ROCK2: variants seen among roughly 807,000 people sequenced by gnomAD.
The protein encoded by ROCK2 is Rho associated coiled-coil containing protein kinase 2.
In ROCK2, 61 loss-of-function variants were observed where a neutral mutation model predicts 195.1. That is an observed-to-expected ratio of 0.31 (90% CI 0.25 to 0.39). The LOEUF (loss-of-function observed/expected upper bound fraction) is 0.39, where lower values mean the gene tolerates loss of function less well. Ranked by LOEUF, ROCK2 falls within the 10% of genes least tolerant of loss-of-function variation. The pLI, the probability that ROCK2 is intolerant of heterozygous loss-of-function variation, is 1.00. For synonymous variants in ROCK2, 504 were observed against 545.5 expected, an observed-to-expected ratio of 0.92 and a Z score of 1.06; for missense variants, 1,109 against 1,637.4, an observed-to-expected ratio of 0.68 and a Z score of 5.57.
intron 2 of ROCK2, among the ~76,000 whole-genome samples, chr2:11,287,329 T>C (rs1667230864): frequency 6.6e-6 from 1 of 152,196 alleles, no homozygotes; most frequent in Admixed American, 6.5e-5. Context: ...AGCTTATTAA[T>C]TCTCTGGGCA....
chr2:11,242,164 T>C (rs934057923), intron 4 of ROCK2, among the ~76,000 whole-genome samples: 1 of 152,108 alleles, frequency 6.6e-6, no homozygotes, highest in African/African-American at 2.4e-5. Context: ...AGTATTTTGT[T>C]ATAGGAGCCC....
At chr2:11,340,780 C>T (rs940313972) in intron 1 of ROCK2, among the ~76,000 whole-genome samples, 1 of 152,038 alleles carries the variant, frequency 6.6e-6, no homozygotes, top group African/African-American at 2.4e-5. Flanking sequence ...ATGTTTTATG[C>T]CACTGAAAAT....
At chr2:11,262,106 G>C (rs1009779221) in intron 3 of ROCK2, among the ~76,000 whole-genome samples, 2 of 152,096 alleles carry the variant, frequency 1.3e-5, no homozygotes, top group Non-Finnish European at 2.9e-5. Flanking sequence ...CCCGTCACTA[G>C]TCTATGAGTA....
intron 17 of ROCK2, 60 bp from the exon 18 acceptor site, chr2:11,211,900 GCTTT>G (rs1259827797): frequency 2.2e-6 from 3 of 1,337,552 alleles, no homozygotes; most frequent in Non-Finnish European, 3.0e-6. Context: ...AATTTCAAAA[GCTTT>G]CTAATTTTTT....
intron 3 of ROCK2, among the ~76,000 whole-genome samples, chr2:11,281,389 A>G (rs1356671433): frequency 6.6e-6 from 1 of 152,156 alleles, no homozygotes; most frequent in Non-Finnish European, 1.5e-5. Flanking sequence ...ACTGTACTGA[A>G]AGTCCGAGGT....
At chr2:11,200,055 T>C (rs762311650) in intron 23 of ROCK2, among the ~76,000 whole-genome samples, 2 of 152,200 alleles carry the variant, frequency 1.3e-5, no homozygotes, top group Non-Finnish European at 2.9e-5. Flanking sequence ...TTCAAAGTTG[T>C]TTTACCTAGG....
intron 3 of ROCK2, among the ~76,000 whole-genome samples, chr2:11,252,233 A>G (rs959484831): frequency 2.6e-5 from 4 of 152,120 alleles, no homozygotes; most frequent in Non-Finnish European, 5.9e-5. Flanking sequence ...CAACATGGTG[A>G]AACCCCGTTT....
At chr2:11,317,612 A>ATATATATATATTT (rs59701503) in intron 1 of ROCK2, among the ~76,000 whole-genome samples, 1 of 19,306 alleles carries the variant, frequency 5.2e-5, no homozygotes, top group Non-Finnish European at 1.0e-4. Context: ...ATATATATAT[A>ATATATATATATTT]TTTTTTTTTT....
In ROCK2 at chr2:11,223,020, T is replaced by TC. The variant is rs1182482971; in HGVS notation, c.1008-847dup. ...TATCATCCAGCACAAATTATGGCCATCCCTACCAATCCTGCTCAGTGCCCA... is the reference window on the plus strand; with the variant it reads ...TATCATCCAGCACAAATTATGGCCATCCCCTACCAATCCTGCTCAGTGCCCA... On this transcript the variant is annotated intron_variant, in intron 7 of 32. Coordinates refer to ENST00000315872, the MANE Select transcript of ROCK2 (RefSeq NM_004850.5). 1.8e-4 allele frequency among the ~76,000 whole-genome samples: 28 copies of TC among 152,046 alleles called. 1 individual carries two copies. The highest frequency in any genetic ancestry group is 1.7e-3 in the Admixed American group (26 of 15,258).
chr2:11,280,297 G>A lies in ROCK2; in HGVS notation c.324+6242C>T, dbSNP rs540823114. 7.3e-5 allele frequency among the ~76,000 whole-genome samples: 11 copies of A among 151,174 alleles called. No individual in the cohort carries two copies. The South Asian group carries it at 1.3e-3, about 17-fold the overall frequency. ...ACTGCCAATATCAGAAATGAAGGAG[G>A]GAAAACCACTAAGGATTCCACAGAC... is the stretch of plus-strand genomic sequence containing the variant. On this transcript the variant is annotated intron_variant, in intron 3 of 32. Transcript: ENST00000315872.
At chr2:11,250,498 G>A (rs937419617) in intron 3 of ROCK2, among the ~76,000 whole-genome samples, 1 of 152,166 alleles carries the variant, frequency 6.6e-6, no homozygotes, top group Non-Finnish European at 1.5e-5. Context: ...GATTATAACA[G>A]TTAACATTTA....
At chr2:11,277,736 G>A (rs1454795520) in intron 3 of ROCK2, among the ~76,000 whole-genome samples, 1 of 152,106 alleles carries the variant, frequency 6.6e-6, no homozygotes, top group African/African-American at 2.4e-5. Flanking sequence ...TTGACTGATG[G>A]GCATTTGGGT....
chr2:11,255,046 T>C (rs1665974980), intron 3 of ROCK2, among the ~76,000 whole-genome samples: 2 of 151,558 alleles, frequency 1.3e-5, no homozygotes, highest in African/African-American at 4.9e-5. Flanking sequence ...TGAAACCCCG[T>C]CTGTACTAAA....
At chr2:11,254,724 T>C (rs1239756178) in intron 3 of ROCK2, among the ~76,000 whole-genome samples, 1 of 34,016 alleles carries the variant, frequency 2.9e-5, no homozygotes, top group African/African-American at 9.0e-5. Context: ...AGACCCTGTC[T>C]CTTAAAAAAA....
Position 11,263,674 on chromosome 2 carries a change from A to ACACAC in ROCK2, c.325-13877_325-13876insGTGTG, listed in dbSNP as rs371194236. 2.3e-3 allele frequency among the ~76,000 whole-genome samples: 336 copies of ACACAC among 144,250 alleles called. 1 individual carries two copies. In the East Asian group the frequency reaches 0.024, roughly 10 times the overall value. 94.6% of individuals were successfully genotyped at this position (144,250 alleles called of 152,430 possible). ...AGGCACACACACACACACACACACA[A>ACACAC]AAAAAAACAAAGAGCATGCTCTGAA... On this transcript the variant is annotated intron_variant, in intron 3 of 32. Transcript: ENST00000315872.
At chr2:11,249,915 A>G in intron 3 of ROCK2, 117 bp from the exon 4 acceptor site, 2 of 770,508 alleles carry the variant, frequency 2.6e-6, no homozygotes, top group Non-Finnish European at 3.8e-6. Context: ...GTCCTTAGCT[A>G]ATAAAAAGTA....
intron 1 of ROCK2, chr2:11,309,037 A>G: frequency 6.5e-7 from 1 of 1,531,156 alleles, no homozygotes; most frequent in Non-Finnish European, 8.8e-7. Flanking sequence ...ACAGGCAGGA[A>G]GCAAGCCGTA....
In ROCK2 at chr2:11,207,708, CTCAA is replaced by C. The variant is rs1269845914; in HGVS notation, c.2549+14_2549+17del. The C allele has an allele frequency of 1.3e-6, 2 of 1,579,886 alleles. No homozygotes were observed. The highest frequency in any genetic ancestry group is 2.7e-5 in the African/African-American group (2 of 74,156). On this transcript the variant is annotated intron_variant, in intron 20 of 32. Transcript: ENST00000315872. ...TGGATAATTATGCATATTAAAACATCTCAATCAATTAACTTACTTTCGAAGTTCA... is the reference window on the plus strand; with the variant it reads ...TGGATAATTATGCATATTAAAACATCTCAATTAACTTACTTTCGAAGTTCA...
At chr2:11,232,026 A>T (rs752607076) in intron 5 of ROCK2, among the ~76,000 whole-genome samples, 2 of 152,070 alleles carry the variant, frequency 1.3e-5, no homozygotes, top group Admixed American at 6.5e-5. Context: ...TCTTTTTTTT[A>T]AACAAACTTT....
Sources: gnomAD v4.1 joint callset for allele counts (sites outside exome capture counted in the v4.1 genomes callset) on GRCh38, gnomAD v4.1.1 for gene constraint, MANE v1.5 for transcripts, NCBI Gene and HGNC (gene_info 2026-07-23, HGNC 2026-07-21) for gene names.